The following LAMA2 variants were observed in gnomAD, a reference collection of about 807,000 sequenced individuals.
LAMA2 encodes the protein laminin subunit alpha 2, also known as laminin subunit alpha-2.
In LAMA2, 269 loss-of-function variants were observed where a neutral mutation model predicts 364.8. That is an observed-to-expected ratio of 0.74 (90% confidence interval 0.67 to 0.82). LAMA2 has a LOEUF of 0.82. Among genes scored for constraint, LAMA2 ranks in the 40% least tolerant of loss-of-function variants. The pLI is 0.00. For missense variants in LAMA2, 3,807 were observed against 3,873.2 expected, an observed-to-expected ratio of 0.98 and a Z score of 0.45; for synonymous variants, 1,379 against 1,370.6, an observed-to-expected ratio of 1.01 and a Z score of -0.14.
intron 1 of LAMA2, among the ~76,000 whole-genome samples, chr6:128,906,056 C>G (rs1312565167): frequency 1.3e-5 from 2 of 149,518 alleles, no homozygotes; most frequent in African/African-American, 5.0e-5. Context: ...TGGGTTGGTT[C>G]CAAGTCTTTG....
intron 1 of LAMA2, among the ~76,000 whole-genome samples, chr6:129,029,617 A>G (rs1786086763): frequency 6.6e-6 from 1 of 152,032 alleles, no homozygotes; most frequent in Admixed American, 6.6e-5. Flanking sequence ...AGGAAATAAC[A>G]TAAAATTGGT....
intron 18 of LAMA2, among the ~76,000 whole-genome samples, chr6:129,286,977 G>GAGAGGA (rs1465290689): frequency 5.9e-5 from 4 of 67,356 alleles, no homozygotes; most frequent in African/African-American, 1.7e-4. Context: ...AAGAAACAGA[G>GAGAGGA]AGGAAGGAAG....
intron 12 of LAMA2, among the ~76,000 whole-genome samples, chr6:129,226,524 C>A (rs1343653952): frequency 3.3e-5 from 5 of 152,004 alleles, no homozygotes; most frequent in Non-Finnish European, 7.4e-5. Context: ...TAGGGCAGGC[C>A]TGGTGGTGAC....
intron 10 of LAMA2, among the ~76,000 whole-genome samples, chr6:129,186,011 A>T (rs1781206653): frequency 6.6e-6 from 1 of 151,720 alleles, no homozygotes; most frequent in South Asian, 2.1e-4. Flanking sequence ...TTAAATACGC[A>T]AATTGAAAAG....
At chr6:128,961,320 T>TATAG (rs1781480838) in intron 1 of LAMA2, among the ~76,000 whole-genome samples, 1 of 17,686 alleles carries the variant, frequency 5.7e-5, no homozygotes, top group African/African-American at 4.5e-4. Context: ...ACTAATATGA[T>TATAG]ATATATATAT....
chr6:129,396,220 A>G (rs1779609888), intron 37 of LAMA2, among the ~76,000 whole-genome samples: 1 of 152,222 alleles, frequency 6.6e-6, no homozygotes, highest in African/African-American at 2.4e-5. Flanking sequence ...ACTGTTGGTA[A>G]CCAGGGTATT....
At chr6:129,154,888 A>G (rs890071938) in intron 8 of LAMA2, among the ~76,000 whole-genome samples, 5 of 152,238 alleles carry the variant, frequency 3.3e-5, no homozygotes, top group Non-Finnish European at 7.3e-5. Context: ...AGAAAGTTTT[A>G]TCATGGCTCC....
chr6:129,046,809 G>A (rs1036578540), intron 1 of LAMA2, among the ~76,000 whole-genome samples: 5 of 152,186 alleles, frequency 3.3e-5, no homozygotes, highest in Admixed American at 6.5e-5. Flanking sequence ...TGCCTGATAT[G>A]TTTGTTTTTT....
intron 7 of LAMA2, among the ~76,000 whole-genome samples, chr6:129,151,231 A>T (rs1415579652): frequency 6.6e-6 from 1 of 152,200 alleles, no homozygotes. Context: ...TTTATTTGGC[A>T]TCAGGGTTTT....
At chr6:128,911,157 G>T (rs1777905046) in intron 1 of LAMA2, among the ~76,000 whole-genome samples, 5 of 151,494 alleles carry the variant, frequency 3.3e-5, no homozygotes, top group South Asian at 2.1e-4. Context: ...AGCTGTGGTG[G>T]GCTACACCCA....
chr6:129,343,118 G>A lies in LAMA2; in HGVS notation c.4436+651G>A, dbSNP rs566155841. Among the ~76,000 whole-genome samples, 32 of 152,128 alleles carry A rather than the reference G, an allele frequency of 2.1e-4. 1 individual carries two copies. The highest frequency in any genetic ancestry group is 7.2e-4 in the African/African-American group (30 of 41,532). On this transcript the variant is annotated intron_variant, in intron 30 of 64. Transcript: ENST00000421865. Reference sequence around the variant, plus strand: ...GGTTTATACATTGATGAAAACCCTAGGTGTTTTCATTTACCTTTTTGCCCA... The same window carrying A: ...GGTTTATACATTGATGAAAACCCTAAGTGTTTTCATTTACCTTTTTGCCCA...
rs377351540 is a variant in LAMA2, at chr6:128,905,215, C to T, written c.112+21858C>T. Among the ~76,000 whole-genome samples the T allele has an allele frequency of 4.3e-4, 66 of 152,226 alleles. 1 individual carries two copies. Among genetic ancestry groups the T allele is most frequent in the African/African-American group, 1.6e-3 (66 of 41,530 alleles). ...TCTTTGGGGTAACTTCTACTTAGAG[C>T]CCTGACCTAATAAATGATGTACGTG... is the stretch of plus-strand genomic sequence containing the variant. On this transcript the variant is annotated intron_variant, in intron 1 of 64. Transcript: ENST00000421865.
intron 1 of LAMA2, among the ~76,000 whole-genome samples, chr6:128,937,028 T>C (rs1779863087): frequency 6.6e-6 from 1 of 152,238 alleles, no homozygotes; most frequent in Non-Finnish European, 1.5e-5. Flanking sequence ...TTAATCCTGC[T>C]ACTCAAAATG....
chr6:129,368,345 G>T (rs1777889504), intron 33 of LAMA2, among the ~76,000 whole-genome samples: 1 of 152,220 alleles, frequency 6.6e-6, no homozygotes, highest in Non-Finnish European at 1.5e-5. Context: ...CTGTCTGGCA[G>T]ATATTAAAAG....
At chr6:128,919,750 C>T (rs1778573710) in intron 1 of LAMA2, among the ~76,000 whole-genome samples, 1 of 152,152 alleles carries the variant, frequency 6.6e-6, no homozygotes, top group South Asian at 2.1e-4. Context: ...GCTGTCATGG[C>T]ATCTGATTGA....
intron 17 of LAMA2, among the ~76,000 whole-genome samples, chr6:129,277,367 C>T (rs1001762129): frequency 6.6e-6 from 1 of 152,124 alleles, no homozygotes; most frequent in African/African-American, 2.4e-5. Flanking sequence ...ATTTCTCACT[C>T]TAATTTTATT....
intron 13 of LAMA2, 131 bp from the exon 14 acceptor site, chr6:129,251,946 AAATAAAT>A: frequency 1.6e-6 from 1 of 640,858 alleles, no homozygotes; most frequent in Non-Finnish European, 2.7e-6. Flanking sequence ...AAAAAAAAAT[AAATAAAT>A]AAAAAATAAA....
intron 16 of LAMA2, among the ~76,000 whole-genome samples, chr6:129,268,622 A>G (rs953623744): frequency 1.3e-5 from 2 of 152,068 alleles, no homozygotes; most frequent in Non-Finnish European, 2.9e-5. Flanking sequence ...CTAATAAAAC[A>G]GTGTCATTCA....
At chr6:129,128,765 T>C (rs1004941414) in intron 4 of LAMA2, among the ~76,000 whole-genome samples, 2 of 152,206 alleles carry the variant, frequency 1.3e-5, no homozygotes, top group African/African-American at 2.4e-5. Flanking sequence ...ATAGCTATTG[T>C]AAATGGGATT....
Sources: allele counts gnomAD v4.1 joint callset (sites outside exome capture counted in the v4.1 genomes callset), GRCh38; gene constraint gnomAD v4.1.1; transcripts MANE v1.5; gene names NCBI Gene and HGNC (gene_info 2026-07-23, HGNC 2026-07-21).